PKNOX2: variants seen among roughly 807,000 people sequenced by gnomAD.
PKNOX2 encodes PBX/knotted 1 homeobox 2, also known as homeobox protein PKNOX2.
Under a neutral mutation model 53.1 loss-of-function variants are expected in PKNOX2, and 14 were observed. The observed-to-expected ratio is 0.26, with a 90% CI of 0.17 to 0.41. The LOEUF is 0.41. PKNOX2 is among the 10% of genes least tolerant of loss of function. PKNOX2 has a pLI of 1.00. For synonymous variants in PKNOX2, 257 were observed against 242.8 expected (o/e 1.06, Z -0.54); for missense variants, 496 against 602.8 (o/e 0.82, Z 1.85).
At chr11:125,171,018 C>T (rs1565460584) in intron 1 of PKNOX2, among the ~76,000 whole-genome samples, 1 of 151,716 alleles carries the variant, frequency 6.6e-6, no homozygotes, top group Non-Finnish European at 1.5e-5. Context: ...GGCCAGAAAG[C>T]GGCCACAGAA....
intron 2 of PKNOX2, among the ~76,000 whole-genome samples, chr11:125,296,499 A>G (rs1182940027): frequency 6.6e-6 from 1 of 151,984 alleles, no homozygotes; most frequent in African/African-American, 2.4e-5. Flanking sequence ...CATCAAGGTC[A>G]CCTGACGACT....
rs11822506 is a variant in PKNOX2, at chr11:125,418,497, C to T, written c.936+6632C>T. Among the ~76,000 whole-genome samples the T allele has an allele frequency of 8.7e-4, 132 of 152,096 alleles. 7 individuals are homozygous for T. The highest frequency in any genetic ancestry group is 3.0e-3 in the African/African-American group (125 of 41,372). ...CCCCCAGCCTGAGAACCTCACATGC[C>T]GGGCTCCTTCTGGCTGGGGGGAGGC... is the stretch of plus-strand genomic sequence containing the variant. On this transcript the variant is annotated intron_variant, in intron 10 of 12. Transcript: ENST00000298282.
At chr11:125,231,523 A>T (rs531104653) in intron 1 of PKNOX2, among the ~76,000 whole-genome samples, 1 of 152,242 alleles carries the variant, frequency 6.6e-6, no homozygotes, top group African/African-American at 2.4e-5. Context: ...AGCCTTTGCC[A>T]TGATTATTTG....
At chr11:125,367,402 A>G (rs887152208) in intron 4 of PKNOX2, among the ~76,000 whole-genome samples, 6 of 152,222 alleles carry the variant, frequency 3.9e-5, no homozygotes, top group African/African-American at 1.2e-4. Context: ...TGTGGCTTCC[A>G]TTAAAGGGAA....
chr11:125,388,323 G>C (rs948293113), intron 6 of PKNOX2, among the ~76,000 whole-genome samples: 1 of 152,106 alleles, frequency 6.6e-6, no homozygotes, highest in Non-Finnish European at 1.5e-5. Context: ...GCCACAGCCA[G>C]TTAATTTGGC....
chr11:125,419,551 C>A (rs915420885), intron 10 of PKNOX2, among the ~76,000 whole-genome samples: 3 of 151,310 alleles, frequency 2.0e-5, no homozygotes, highest in Non-Finnish European at 4.4e-5. Flanking sequence ...CTCATACTGT[C>A]TGAAATTCCA....
intron 2 of PKNOX2, among the ~76,000 whole-genome samples, chr11:125,303,782 C>G (rs536778093): frequency 6.6e-6 from 1 of 152,206 alleles, no homozygotes; most frequent in Non-Finnish European, 1.5e-5. Flanking sequence ...AAAGAGGGCA[C>G]TCCCCCTTAC....
chr11:125,213,113 C>T (rs1189741212), intron 1 of PKNOX2, among the ~76,000 whole-genome samples: 1 of 152,126 alleles, frequency 6.6e-6, no homozygotes, highest in Non-Finnish European at 1.5e-5. Context: ...CTTCAGCCCC[C>T]TGTCTTCTAA....
rs1893184 is a variant in PKNOX2 at position 125,240,789 on chromosome 11, A to G, written c.-130+5674A>G. On this transcript the variant is annotated intron_variant, in intron 2 of 12. Coordinates refer to ENST00000298282, the MANE Select transcript of PKNOX2 (RefSeq NM_001382323.2). The surrounding 1 kb of genome is among the most constrained non-coding windows in gnomAD (Gnocchi z 4.3). ...TCCCAGTATCCTTGGCTGTGGGGGG[A>G]CTAGTGATGGTGTAGGGTCCCCTCC... is the stretch of plus-strand genomic sequence containing the variant. 0.27 allele frequency among the ~76,000 whole-genome samples: 40,410 copies of G among 151,792 alleles called. 5,671 individuals are homozygous for G. Among genetic ancestry groups the G allele is most frequent in the East Asian group, 0.48 (2,465 of 5,122 alleles).
Position 125,351,376 on chromosome 11 carries a change from A to C in PKNOX2, c.71A>C (p.Tyr24Ser). The change falls in exon 4 of 13, where the codon TAC becomes TCC. Residue 24 changes from tyrosine to serine, a missense_variant. Tyr to Ser is a moderately radical substitution (Grantham distance 144). This residue lies in a region of PKNOX2 where 168 missense variants were observed against 178.4 expected (regional missense o/e 0.94). Coordinates refer to ENST00000298282, the MANE Select transcript of PKNOX2 (RefSeq NM_001382323.2). ...ACGCAGAATGTCCCGCCCCCACCCTACCAGGACAGCCCACAGGTGAGTGCG... is the reference window on the plus strand; with the variant it reads ...ACGCAGAATGTCCCGCCCCCACCCTCCCAGGACAGCCCACAGGTGAGTGCG... ...MATQNVPPPP[Y>S]QDSPQMTATA... 6.2e-7 allele frequency: 1 copy of C among 1,600,542 alleles called. No homozygotes were observed.
At chr11:125,374,938 G>T (rs2135287379) in intron 5 of PKNOX2, among the ~76,000 whole-genome samples, 1 of 151,704 alleles carries the variant, frequency 6.6e-6, no homozygotes, top group Admixed American at 6.6e-5. Context: ...AATGACATGG[G>T]GTGGGGTGGG....
chr11:125,360,586 C>T (rs1188255641), intron 4 of PKNOX2, among the ~76,000 whole-genome samples: 1 of 152,176 alleles, frequency 6.6e-6, no homozygotes, highest in Non-Finnish European at 1.5e-5. Context: ...CCAGGGGCCG[C>T]CTGTTCCTGC....
At chr11:125,320,590 A>T (rs898457248) in intron 2 of PKNOX2, among the ~76,000 whole-genome samples, 1 of 151,890 alleles carries the variant, frequency 6.6e-6, no homozygotes, top group Non-Finnish European at 1.5e-5. Flanking sequence ...GGCTGCAAGC[A>T]CCTCCTCCCC....
rs556061856 is a variant in PKNOX2 at position 125,235,859 on chromosome 11, G to C, written c.-130+744G>C. 1.2e-4 allele frequency among the ~76,000 whole-genome samples: 19 copies of C among 152,288 alleles called. 1 individual carries two copies. The highest frequency in any genetic ancestry group is 6.8e-3 in the Middle Eastern group (2 of 294). On this transcript the variant is annotated intron_variant, in intron 2 of 12. Transcript: ENST00000298282. The stretch of plus-strand genomic sequence containing the variant: ...CTCCAGCAAGGCTGTGAGCTCCTGG[G>C]GGGTAAAGTCTGGGATTCCTACTTC...
In PKNOX2 at chr11:125,359,095, A is replaced by ACATCATCGGAAAGGCAGGAAGGTG. The variant is rs796129373; in HGVS notation, c.87+7703_87+7704insCATCATCGGAAAGGCAGGAAGGTG. On this transcript the variant is annotated intron_variant, in intron 4 of 12. Coordinates refer to ENST00000298282, the MANE Select transcript of PKNOX2 (RefSeq NM_001382323.2). ...GCTGTGGGAGCAAAGGCAGGAAGGT[A>ACATCATCGGAAAGGCAGGAAGGTG]GACACCATCGGAAAGGCAGGAAGGT... Among the ~76,000 whole-genome samples, 844 of 145,886 alleles carry ACATCATCGGAAAGGCAGGAAGGTG rather than the reference A, an allele frequency of 5.8e-3. 13 individuals carry two copies. Among genetic ancestry groups the ACATCATCGGAAAGGCAGGAAGGTG allele is most frequent in the African/African-American group, 0.022 (813 of 37,124 alleles).
At chr11:125,342,827 C>T (rs1215792651) in intron 3 of PKNOX2, among the ~76,000 whole-genome samples, 1 of 151,460 alleles carries the variant, frequency 6.6e-6, no homozygotes, top group Non-Finnish European at 1.5e-5. Flanking sequence ...TAGCCACCAC[C>T]GTGGAGGAGC....
At chr11:125,419,442 GA>G (rs530096275) in intron 10 of PKNOX2, among the ~76,000 whole-genome samples, 7 of 72,932 alleles carry the variant, frequency 9.6e-5, no homozygotes, top group Admixed American at 7.2e-4. Context: ...AAGAACCCCT[GA>G]AAAAAAAAGA....
At chr11:125,349,136 G>A (rs1358807413) in intron 3 of PKNOX2, among the ~76,000 whole-genome samples, 1 of 152,100 alleles carries the variant, frequency 6.6e-6, no homozygotes, top group Non-Finnish European at 1.5e-5. Context: ...CCTTTATTTT[G>A]TCAGGGTCCA....
intron 2 of PKNOX2, among the ~76,000 whole-genome samples, chr11:125,313,173 C>T (rs1464031663): frequency 1.3e-5 from 2 of 152,080 alleles, no homozygotes; most frequent in African/African-American, 4.8e-5. Context: ...AAAGAGAAGT[C>T]GAGGGCACCC....
Sources: gnomAD v4.1 joint callset for allele counts (sites outside exome capture counted in the v4.1 genomes callset) on GRCh38, gnomAD v4.1.1 for gene constraint, gnomAD v4.1.1 regional missense constraint, Gnocchi (gnomAD v3.1) non-coding constraint, MANE v1.5 for transcripts, NCBI Gene and HGNC (gene_info 2026-07-23, HGNC 2026-07-21) for gene names.